DACH2: variants seen among roughly 807,000 people sequenced by gnomAD.
The protein encoded by DACH2 is dachshund homolog 2.
A neutral mutation model predicts 35.8 loss-of-function variants in DACH2; 17 were observed. The observed-to-expected ratio is 0.48, with a 90% CI of 0.33 to 0.71. DACH2 has a LOEUF of 0.71. Ranked by LOEUF, DACH2 falls within the 30% of genes least tolerant of loss-of-function variation. The pLI is 0.02. For missense variants in DACH2, 469 were observed against 472.7 expected (o/e 0.99, Z 0.07); for synonymous variants, 195 against 177.3 (o/e 1.10, Z -0.79).
At chrX:86,745,275 A>G (rs1345991547) in intron 7 of DACH2, among the ~76,000 whole-genome samples, 1 of 111,487 alleles carries the variant, frequency 9.0e-6, no homozygotes, top group Non-Finnish European at 1.9e-5. Flanking sequence ...TTCTTTTTCA[A>G]CTTTTAAGTT....
intron 1 of DACH2, among the ~76,000 whole-genome samples, chrX:86,175,926 A>T (rs1317099620): frequency 2.8e-4 from 31 of 111,209 alleles, no homozygotes; most frequent in Admixed American, 2.8e-3. Flanking sequence ...GTAAATTATT[A>T]AAAAAACTTT....
At chrX:86,294,142 T>C (rs1602369724) in intron 1 of DACH2, among the ~76,000 whole-genome samples, 1 of 111,562 alleles carries the variant, frequency 9.0e-6, no homozygotes, top group East Asian at 2.8e-4. Context: ...CTTTTTTCTC[T>C]AAACTTCCCT....
intron 1 of DACH2, among the ~76,000 whole-genome samples, chrX:86,367,283 T>A (rs2148089760): frequency 8.9e-6 from 1 of 111,773 alleles, no homozygotes; most frequent in Admixed American, 9.5e-5. Flanking sequence ...CATTTTTCTG[T>A]AGCATGCAAA....
intron 1 of DACH2, among the ~76,000 whole-genome samples, chrX:86,295,632 T>C (rs973007427): frequency 1.8e-5 from 2 of 111,144 alleles, no homozygotes; most frequent in Non-Finnish European, 3.8e-5. Context: ...CTAGGGCTGG[T>C]TTAAATGCTC....
chrX:86,807,937 G>A (rs1252884166), intron 7 of DACH2, among the ~76,000 whole-genome samples: 3 of 111,934 alleles, frequency 2.7e-5, no homozygotes, highest in South Asian at 7.4e-4. Context: ...TTTGAGCAAC[G>A]AAGCTTTTCT....
intron 1 of DACH2, among the ~76,000 whole-genome samples, chrX:86,369,132 T>G (rs1361324962): frequency 3.6e-5 from 4 of 110,771 alleles, no homozygotes; most frequent in African/African-American, 1.3e-4. Flanking sequence ...ATACAACAAG[T>G]GGTATTATTA....
At chrX:86,360,463 T>G (rs2035720428) in intron 1 of DACH2, among the ~76,000 whole-genome samples, 1 of 112,049 alleles carries the variant, frequency 8.9e-6, no homozygotes. Context: ...CTTTTTCTTT[T>G]GTTTTTCCCC....
intron 3 of DACH2, among the ~76,000 whole-genome samples, chrX:86,575,793 G>A (rs997918026): frequency 9.0e-6 from 1 of 111,651 alleles, no homozygotes; most frequent in African/African-American, 3.3e-5. Context: ...ACATGTTGTA[G>A]GATTCTGGGA....
intron 1 of DACH2, among the ~76,000 whole-genome samples, chrX:86,309,113 G>A: frequency 8.9e-6 from 1 of 112,118 alleles, no homozygotes; most frequent in East Asian, 2.8e-4. Flanking sequence ...CATCCCTGGA[G>A]GGATTGCAGA....
rs746497008 is a variant in DACH2 at position 86,336,645 on chromosome X, C to A, written c.489-40179C>A. The stretch of plus-strand genomic sequence containing the variant: ...AACAAGTGCAGAAAGGCTTAAAATT[C>A]TAAAAACCAGAATGCCTCTTCTCCT... On this transcript the variant is annotated intron_variant, in intron 1 of 11. Coordinates refer to ENST00000373125, the MANE Select transcript of DACH2 (RefSeq NM_053281.3). Among the ~76,000 whole-genome samples the A allele has an allele frequency of 2.7e-5, 3 of 111,477 alleles. No homozygotes were observed. In the East Asian group the frequency reaches 8.6e-4, roughly 32 times the overall value.
intron 7 of DACH2, among the ~76,000 whole-genome samples, chrX:86,775,808 A>G (rs1183702038): frequency 8.9e-6 from 1 of 112,353 alleles, no homozygotes; most frequent in Non-Finnish European, 1.9e-5. Context: ...AAATGTGACA[A>G]CAATCAAAAT....
chrX:86,479,586 CT>C (rs1309909412), intron 2 of DACH2, among the ~76,000 whole-genome samples: 3 of 111,844 alleles, frequency 2.7e-5, no homozygotes, highest in African/African-American at 9.7e-5. Context: ...TCGCTATCTT[CT>C]TTTTAAGCCA....
At chrX:86,623,402 G>A (rs1054181521) in intron 3 of DACH2, among the ~76,000 whole-genome samples, 1 of 111,469 alleles carries the variant, frequency 9.0e-6, no homozygotes, top group East Asian at 2.8e-4. Context: ...GGGGAAAGTG[G>A]CAATGGTCTG....
At chrX:86,464,051 A>G in intron 2 of DACH2, among the ~76,000 whole-genome samples, 1 of 111,645 alleles carries the variant, frequency 9.0e-6, no homozygotes, top group Non-Finnish European at 1.9e-5. Flanking sequence ...GAGAAATGGG[A>G]ATGCTTTTAC....
At chrX:86,728,029 T>A (rs1320986017) in intron 6 of DACH2, among the ~76,000 whole-genome samples, 3 of 111,421 alleles carry the variant, frequency 2.7e-5, no homozygotes, top group Non-Finnish European at 5.7e-5. Flanking sequence ...TGAGGAAAAG[T>A]TTGGAACTTG....
At chrX:86,391,407 G>T (rs1161942074) in intron 2 of DACH2, among the ~76,000 whole-genome samples, 1 of 104,584 alleles carries the variant, frequency 9.6e-6, no homozygotes, top group Non-Finnish European at 1.9e-5. Flanking sequence ...CAGTGGAATT[G>T]TACTATAATT....
chrX:86,748,283 A>C (rs2041734109), intron 7 of DACH2, among the ~76,000 whole-genome samples: 1 of 112,042 alleles, frequency 8.9e-6, no homozygotes, highest in African/African-American at 3.2e-5. Context: ...TAGTATGGTG[A>C]ATTCTTTTCA....
At chrX:86,440,539 T>C (rs2037143101) in intron 2 of DACH2, among the ~76,000 whole-genome samples, 1 of 111,690 alleles carries the variant, frequency 9.0e-6, no homozygotes, top group South Asian at 3.7e-4. Context: ...CAAGGTATAG[T>C]TGGACCTTGT....
intron 7 of DACH2, among the ~76,000 whole-genome samples, chrX:86,810,959 C>T (rs2042389571): frequency 9.0e-6 from 1 of 111,529 alleles, no homozygotes; most frequent in African/African-American, 3.2e-5. Context: ...TTGTAGAAAA[C>T]ATTTGCATCT....
Sources: allele counts gnomAD v4.1 joint callset (sites outside exome capture counted in the v4.1 genomes callset), GRCh38; gene constraint gnomAD v4.1.1; transcripts MANE v1.5; gene names NCBI Gene and HGNC (gene_info 2026-07-23, HGNC 2026-07-21).